Variants in HLCS observed in about 807,000 individuals in gnomAD.
HLCS encodes biotin--protein ligase.
Under a neutral mutation model 75.0 loss-of-function variants are expected in HLCS, and 53 were observed. The ratio of observed to expected loss-of-function variants is 0.71; its 90% CI spans 0.57 to 0.89. The LOEUF (loss-of-function observed/expected upper bound fraction) is 0.89, where lower values mean the gene tolerates loss of function less well. HLCS is among the 40% of genes least tolerant of loss of function. The pLI is 0.00. For missense variants in HLCS, 966 were observed against 1,074.0 expected, an observed-to-expected ratio of 0.90 and a Z score of 1.41; for synonymous variants, 431 against 428.6, an observed-to-expected ratio of 1.01 and a Z score of -0.07.
rs1261141663 is a variant in HLCS, at chr21:36,754,512, G to A, written c.2451-95C>T. 20 of 1,348,062 alleles carry A rather than the reference G, an allele frequency of 1.5e-5. No individual in the cohort carries two copies. In the East Asian group the frequency reaches 1.7e-4, roughly 12 times the overall value. 83.5% of individuals were successfully genotyped at this position (1,348,062 alleles called of 1,614,324 possible). Reference sequence around the variant, plus strand: ...ATAATCCATGATGAGAGAGCTGGGCGTGCTGGGGAGAGGGCTGAGGCTCGC... The same window carrying A: ...ATAATCCATGATGAGAGAGCTGGGCATGCTGGGGAGAGGGCTGAGGCTCGC... On this transcript the variant is annotated intron_variant, in intron 10 of 10. Coordinates refer to ENST00000674895, the MANE Select transcript of HLCS (RefSeq NM_001352514.2).
At chr21:36,804,698 C>T (rs916204695) in intron 6 of HLCS, among the ~76,000 whole-genome samples, 17 of 152,114 alleles carry the variant, frequency 1.1e-4, no homozygotes, top group African/African-American at 4.1e-4. Context: ...TTTGAGTTTC[C>T]TGGCCAGAAC....
chr21:36,757,026 T>C (rs2089630157), intron 9 of HLCS: 3 of 842,214 alleles, frequency 3.6e-6, no homozygotes, highest in African/African-American at 3.7e-5. Context: ...TTTGATTCAA[T>C]TTAATTCAAT....
Position 36,830,815 on chromosome 21 carries a change from C to G in HLCS, c.1893-63530G>C, listed in dbSNP as rs1399718775. On this transcript the variant is annotated intron_variant, in intron 6 of 10. Coordinates refer to ENST00000674895, the MANE Select transcript of HLCS (RefSeq NM_001352514.2). ...CCAGCCTGGGCAACAGAGTGAGACC[C>G]TCTCTCAAAAAAAAAAAAAAAAAAA... is the stretch of plus-strand genomic sequence containing the variant. 3.3e-5 allele frequency among the ~76,000 whole-genome samples: 4 copies of G among 122,774 alleles called. No individual in the cohort carries two copies. In the Admixed American group the frequency reaches 3.4e-4, roughly 10 times the overall value. The allele number at this position is 122,774 out of a possible 152,430, so 80.5% of individuals were successfully genotyped here.
chr21:36,871,141 AT>A, intron 6 of HLCS, among the ~76,000 whole-genome samples: 2 of 152,358 alleles, frequency 1.3e-5, no homozygotes, highest in East Asian at 3.9e-4. Flanking sequence ...AGCAGGCTGC[AT>A]GATATGAGGT....
chr21:36,949,608 C>T (rs184260636), intron 2 of HLCS, among the ~76,000 whole-genome samples: 1 of 152,206 alleles, frequency 6.6e-6, no homozygotes, highest in African/African-American at 2.4e-5. Flanking sequence ...GAAGTGACTC[C>T]ACCTCTCAAT....
chr21:36,942,806 T>C (rs1238527821), intron 2 of HLCS, among the ~76,000 whole-genome samples: 1 of 151,994 alleles, frequency 6.6e-6, no homozygotes, highest in Non-Finnish European at 1.5e-5. Flanking sequence ...CAAAGGCACC[T>C]GTAGTCCCAG....
At position 36,928,563 on chromosome 21, in the gene HLCS, C is replaced by T. The variant is rs2066503956; in HGVS notation, c.1620+1688G>A. 2.0e-5 allele frequency among the ~76,000 whole-genome samples: 3 copies of T among 152,114 alleles called. No homozygotes were observed. In the South Asian group the frequency reaches 6.2e-4, roughly 32 times the overall value. On this transcript the variant is annotated intron_variant, in intron 5 of 10. Coordinates refer to ENST00000674895, the MANE Select transcript of HLCS (RefSeq NM_001352514.2). ...CCAGCCTGGGCAACAGAGCAAGACC[C>T]TGCCTCAAAAACTAAAAATAAACAT...
rs187777930 is a variant in HLCS, at chr21:36,873,150, G to A, written c.1892+23710C>T. Among the ~76,000 whole-genome samples, 58 of 150,822 alleles carry A rather than the reference G, an allele frequency of 3.8e-4. No homozygotes were observed. The Middle Eastern group carries it at 0.01, about 27-fold the overall frequency. ...TTTTGTTTGTTTGAGACAGAGTCTCGCTCTGTCGCCAGGCTGGAGTACAGT... is the reference window on the plus strand; with the variant it reads ...TTTTGTTTGTTTGAGACAGAGTCTCACTCTGTCGCCAGGCTGGAGTACAGT... On this transcript the variant is annotated intron_variant, in intron 6 of 10. Coordinates refer to ENST00000674895, the MANE Select transcript of HLCS (RefSeq NM_001352514.2).
At chr21:36,867,202 G>C (rs1369510361) in intron 6 of HLCS, among the ~76,000 whole-genome samples, 1 of 152,152 alleles carries the variant, frequency 6.6e-6, no homozygotes, top group Non-Finnish European at 1.5e-5. Context: ...GATGGGCGTT[G>C]CAACATTGGT....
At position 36,981,198 on chromosome 21, in the gene HLCS, G is replaced by A. The variant is rs57949933; in HGVS notation, c.-393+8960C>T. 7.5e-3 allele frequency among the ~76,000 whole-genome samples: 1,138 copies of A among 152,234 alleles called. 13 individuals carry two copies. Among genetic ancestry groups the A allele is most frequent in the South Asian group, 0.041 (196 of 4,820 alleles). On this transcript the variant is annotated intron_variant, in intron 1 of 11. Coordinates refer to the HLCS transcript ENST00000336648. Reference sequence around the variant, plus strand: ...GTTTTCCTGGCAAAATAATGAAGTTGGCTTAAGGTTTTGCTGAATAAAATG... The same window carrying A: ...GTTTTCCTGGCAAAATAATGAAGTTAGCTTAAGGTTTTGCTGAATAAAATG...
chr21:36,761,523 G>C lies in HLCS; in HGVS notation c.2122-1682C>G, dbSNP rs139252883. On this transcript the variant is annotated intron_variant, in intron 8 of 10. Coordinates refer to ENST00000674895, the MANE Select transcript of HLCS (RefSeq NM_001352514.2). ...ACGTTTCTTTTCTCTCTAGAACGGG[G>C]GTTCTCAGTGGGAGAGGGGTGGATT... is the stretch of plus-strand genomic sequence containing the variant. Among the ~76,000 whole-genome samples, 267 of 152,214 alleles carry C rather than the reference G, an allele frequency of 1.8e-3. 1 individual carries two copies. The highest frequency in any genetic ancestry group is 4.1e-4 in the Non-Finnish European group (28 of 68,012).
chr21:36,777,106 C>T (rs2060382648), intron 6 of HLCS, among the ~76,000 whole-genome samples: 4 of 152,190 alleles, frequency 2.6e-5, no homozygotes, highest in Admixed American at 2.0e-4. Context: ...CCACAGCTCA[C>T]TGCTTCTGTT....
intron 6 of HLCS, among the ~76,000 whole-genome samples, chr21:36,776,086 G>C (rs1337527809): frequency 6.6e-6 from 1 of 152,206 alleles, no homozygotes; most frequent in South Asian, 2.1e-4. Flanking sequence ...TCATGTTCTG[G>C]TTGGTTGTAA....
chr21:36,771,249 T>A (rs116374110), intron 6 of HLCS, among the ~76,000 whole-genome samples: 3,543 of 134,900 alleles, frequency 0.026, 59 homozygotes, highest in Middle Eastern at 0.096. Context: ...TAAATAAATA[T>A]AAAATAAAAT....
chr21:36,792,537 G>C (rs2060900901), intron 6 of HLCS, among the ~76,000 whole-genome samples: 1 of 152,062 alleles, frequency 6.6e-6, no homozygotes, highest in South Asian at 2.1e-4. Flanking sequence ...ATGATCATCA[G>C]CCAATTGTGC....
intron 6 of HLCS, among the ~76,000 whole-genome samples, chr21:36,847,536 G>A (rs181649383): frequency 3.6e-4 from 54 of 151,974 alleles, no homozygotes; most frequent in Admixed American, 2.7e-3. Context: ...GATATCTAAG[G>A]TACTGTCAAT....
At chr21:36,899,434 G>A (rs1054442262) in intron 5 of HLCS, among the ~76,000 whole-genome samples, 1 of 151,974 alleles carries the variant, frequency 6.6e-6, no homozygotes, top group Admixed American at 6.5e-5. Context: ...GACTAACCTG[G>A]GCAACATGGT....
At chr21:36,827,817 CT>C (rs60457236) in intron 6 of HLCS, among the ~76,000 whole-genome samples, 168 of 138,758 alleles carry the variant, frequency 1.2e-3, no homozygotes, top group Non-Finnish European at 1.3e-3. Context: ...TTCTTTCTTT[CT>C]TTTTTTTTTT....
chr21:36,966,379 GGC>G, intron 1 of HLCS, 63 bp downstream of exon 1: 2 of 672,834 alleles, frequency 3.0e-6, no homozygotes, highest in Non-Finnish European at 3.7e-6. Flanking sequence ...GCGGGGACGA[GGC>G]GCAGGGACGG....
Sources: allele counts gnomAD v4.1 joint callset (sites outside exome capture counted in the v4.1 genomes callset), GRCh38; gene constraint gnomAD v4.1.1; transcripts MANE v1.5; gene names NCBI Gene and HGNC (gene_info 2026-07-23, HGNC 2026-07-21).